Variants in PSEN2 observed in about 807,000 individuals in gnomAD.
The protein encoded by PSEN2 is presenilin 2.
In PSEN2, 32 loss-of-function variants were observed where a neutral mutation model predicts 49.1. The ratio of observed to expected loss-of-function variants is 0.65; its 90% CI spans 0.49 to 0.88. The LOEUF (loss-of-function observed/expected upper bound fraction) is 0.88. PSEN2 is among the 40% of genes least tolerant of loss of function. The probability of loss-of-function intolerance (pLI) is 0.00; values close to 1 mark genes in which losing one functional copy is unlikely to be tolerated. For missense variants in PSEN2, 522 were observed against 586.9 expected (o/e 0.89, Z 1.14); for synonymous variants, 255 against 244.0 (o/e 1.05, Z -0.42).
At chr1:226,880,713 G>A in intron 3 of PSEN2, 1 of 1,612,956 alleles carries the variant, frequency 6.2e-7, no homozygotes, top group Non-Finnish European at 8.5e-7. Context: ...AAACCTGCAT[G>A]TGTAGATTTT....
downstream of PSEN2, among the ~76,000 whole-genome samples, chr1:226,901,248 C>T (rs534306112): frequency 5.3e-5 from 8 of 151,958 alleles, no homozygotes; most frequent in Non-Finnish European, 7.4e-5. Flanking sequence ...CCAGCCTGGC[C>T]GACATGGTGA....
At chr1:226,890,248 G>T in intron 9 of PSEN2, 115 bp downstream of exon 9, 1 of 863,518 alleles carries the variant, frequency 1.2e-6, no homozygotes, top group South Asian at 1.3e-5. Flanking sequence ...TCCCAGGAGG[G>T]TCTCCACTTT....
chr1:226,880,037 G>C (rs754587493), intron 3 of PSEN2, among the ~76,000 whole-genome samples: 4 of 152,222 alleles, frequency 2.6e-5, no homozygotes, highest in Non-Finnish European at 5.9e-5. Context: ...TAAGGGGATT[G>C]AAATTGGCTG....
rs571949639 is a variant in PSEN2, at chr1:226,895,788, C to T, written c.*209C>T. 7 of 614,724 alleles carry T rather than the reference C, an allele frequency of 1.1e-5. No homozygotes were observed. The East Asian group carries it at 1.4e-4, about 12-fold the overall frequency. 38.1% of individuals were successfully genotyped at this position (614,724 alleles called of 1,614,324 possible). Reference sequence around the variant, plus strand: ...TTGGCTCCCGCTTTGGGGAGCGCCTCGCTTCACGGACAGGAAGCACAGCAG... The same window carrying T: ...TTGGCTCCCGCTTTGGGGAGCGCCTTGCTTCACGGACAGGAAGCACAGCAG... On this transcript the variant is annotated 3_prime_UTR_variant, in exon 13 of 13. Coordinates refer to ENST00000366783, the MANE Select transcript of PSEN2 (RefSeq NM_000447.3).
At chr1:226,870,903 A>C (rs889498102) in intron 1 of PSEN2, 1 of 151,992 alleles carries the variant, frequency 6.6e-6, no homozygotes, top group African/African-American at 2.4e-5. Flanking sequence ...TCGTGGAAGG[A>C]TCGCGGGGAG....
chr1:226,889,633 C>T (rs542407861), intron 8 of PSEN2, among the ~76,000 whole-genome samples: 15 of 152,332 alleles, frequency 9.8e-5, no homozygotes, highest in African/African-American at 2.2e-4. Flanking sequence ...GCACTGGACA[C>T]GCTGTAAGTG....
downstream of PSEN2, among the ~76,000 whole-genome samples, chr1:226,901,140 C>G (rs115141939): frequency 1.1e-4 from 16 of 152,080 alleles, no homozygotes; most frequent in Non-Finnish European, 1.8e-4. Flanking sequence ...CGAGGCCACT[C>G]AAAACACCCA....
intron 4 of PSEN2, among the ~76,000 whole-genome samples, chr1:226,882,286 G>C (rs1661051955): frequency 6.6e-6 from 1 of 152,244 alleles, no homozygotes; most frequent in Non-Finnish European, 1.5e-5. Context: ...TGTCCACTCT[G>C]CCACCTTGGG....
chr1:226,891,091 A>G (rs1222300918), intron 9 of PSEN2, 187 bp from the exon 10 acceptor site: 23 of 619,390 alleles, frequency 3.7e-5, no homozygotes, highest in Non-Finnish European at 6.4e-5. Context: ...CAGAATAGAC[A>G]AATGCAAGAG....
intron 7 of PSEN2, among the ~76,000 whole-genome samples, 180 bp from the exon 8 acceptor site, chr1:226,888,649 C>G (rs1661530103): frequency 6.6e-6 from 1 of 152,220 alleles, no homozygotes; most frequent in Non-Finnish European, 1.5e-5. Flanking sequence ...TTTCTGTGAT[C>G]TGTTCCAAGC....
At chr1:226,887,679 T>C (rs1661450455) in intron 6 of PSEN2, among the ~76,000 whole-genome samples, 1 of 152,194 alleles carries the variant, frequency 6.6e-6, no homozygotes, top group South Asian at 2.1e-4. Flanking sequence ...TACCTGCTGA[T>C]ATACTGTATG....
chr1:226,878,730 C>G (rs184551016), intron 3 of PSEN2, among the ~76,000 whole-genome samples: 1 of 152,104 alleles, frequency 6.6e-6, no homozygotes, highest in Non-Finnish European at 1.5e-5. Flanking sequence ...GGGAGGAGAT[C>G]GTAGCTTCCC....
In PSEN2 at chr1:226,891,849, G is replaced by T. The variant is rs758364204; in HGVS notation, c.1072+5G>T. The T allele has an allele frequency of 1.2e-6, 2 of 1,612,860 alleles. No individual in the cohort carries two copies. Among genetic ancestry groups the T allele is most frequent in the South Asian group, 2.2e-5 (2 of 91,044 alleles). ...AGCTGGAGGAAGAGGAGGAAAGTAA[G>T]GTGCCCATGTTCACACGGCCTGCTT... On this transcript the variant is annotated splice_donor_5th_base_variant and intron_variant, in intron 11 of 12. Transcript: ENST00000366783.
chr1:226,880,677 A>G lies in PSEN2; in HGVS notation c.-20-1211A>G, dbSNP rs201403983. On this transcript the variant is annotated intron_variant, in intron 3 of 12. Transcript: ENST00000366783. ...GCAGGGACTGTCAGATTTGCCAGGC[A>G]TTGTTTGAAGTTCTTCCCAGCCCAG... is the stretch of plus-strand genomic sequence containing the variant. 2.3e-4 allele frequency: 364 copies of G among 1,612,550 alleles called. 2 individuals are homozygous for G. The South Asian group carries it at 3.6e-3, about 16-fold the overall frequency.
At chr1:226,878,512 T>C (rs1337388057) in intron 3 of PSEN2, among the ~76,000 whole-genome samples, 2 of 152,228 alleles carry the variant, frequency 1.3e-5, no homozygotes, top group Non-Finnish European at 2.9e-5. Context: ...TCTCTGCTTA[T>C]CCATTTTTGT....
At chr1:226,881,021 C>T (rs1377249785) in intron 3 of PSEN2, among the ~76,000 whole-genome samples, 1 of 152,214 alleles carries the variant, frequency 6.6e-6, no homozygotes, top group East Asian at 1.9e-4. Context: ...TCTTAGTCCC[C>T]ACCTGGCTGC....
chr1:226,897,059 T>G (rs534620706), downstream of PSEN2, among the ~76,000 whole-genome samples: 1 of 152,108 alleles, frequency 6.6e-6, no homozygotes, highest in Admixed American at 6.6e-5. Flanking sequence ...GGCCGAACAC[T>G]GGCGGGTGGA....
At chr1:226,887,697 A>G (rs928270389) in intron 6 of PSEN2, among the ~76,000 whole-genome samples, 5 of 152,154 alleles carry the variant, frequency 3.3e-5, no homozygotes, top group African/African-American at 7.2e-5. Context: ...ATGTTTGTCT[A>G]TATGTCATCT....
At position 226,893,178 on chromosome 1, in the gene PSEN2, G is replaced by T. The variant is rs997995675; in HGVS notation, c.1073-829G>T. On this transcript the variant is annotated intron_variant, in intron 11 of 12. Transcript: ENST00000366783. ...ACTCCTGGGCTCAAGTGATCCACCT[G>T]CCTTGGCCTTCCAAAGTACTGGGAT... Among the ~76,000 whole-genome samples the T allele has an allele frequency of 2.6e-5, 4 of 152,204 alleles. 1 individual carries two copies. Among genetic ancestry groups the T allele is most frequent in the Admixed American group, 2.6e-4 (4 of 15,280 alleles).
Sources: gnomAD v4.1 joint callset for allele counts (sites outside exome capture counted in the v4.1 genomes callset) on GRCh38, gnomAD v4.1.1 for gene constraint, MANE v1.5 for transcripts, NCBI Gene and HGNC (gene_info 2026-07-23, HGNC 2026-07-21) for gene names.